Variants in CCR3 observed in about 807,000 individuals in gnomAD.
CCR3 encodes the protein C-C chemokine receptor type 3.
For synonymous variants in CCR3, 203 were observed against 179.2 expected (o/e 1.13, Z -1.06); for missense variants, 419 against 437.5 (o/e 0.96, Z 0.38).
At chr3:46,262,409 A>T (rs1414172943) in intron 1 of CCR3, among the ~76,000 whole-genome samples, 1 of 152,190 alleles carries the variant, frequency 6.6e-6, no homozygotes, top group African/African-American at 2.4e-5. Context: ...CTGCACAGAG[A>T]TATGTTAACA....
intron 2 of CCR3, among the ~76,000 whole-genome samples, chr3:46,219,147 A>T (rs1247834190): frequency 6.6e-6 from 1 of 152,208 alleles, no homozygotes; most frequent in Non-Finnish European, 1.5e-5. Flanking sequence ...ATACAAAATC[A>T]ATGTACAAAA....
At chr3:46,228,650 A>T (rs1699929809) in intron 2 of CCR3, among the ~76,000 whole-genome samples, 1 of 152,258 alleles carries the variant, frequency 6.6e-6, no homozygotes, top group Admixed American at 6.5e-5. Flanking sequence ...TGTTCTGCCC[A>T]ATGTTAACAG....
At chr3:46,261,329 C>T (rs868453586) in intron 1 of CCR3, among the ~76,000 whole-genome samples, 13 of 152,090 alleles carry the variant, frequency 8.5e-5, no homozygotes, top group Non-Finnish European at 1.3e-4. Flanking sequence ...AATAAATCTA[C>T]AATAAAAAGT....
chr3:46,260,747 A>T (rs1700510949), intron 1 of CCR3, among the ~76,000 whole-genome samples: 1 of 152,250 alleles, frequency 6.6e-6, no homozygotes, highest in South Asian at 2.1e-4. Context: ...CATGAGGCAG[A>T]GGAAATTATT....
upstream of CCR3, among the ~76,000 whole-genome samples, chr3:46,240,000 CAG>C: frequency 6.6e-6 from 1 of 152,336 alleles, no homozygotes; most frequent in Non-Finnish European, 1.5e-5. Flanking sequence ...CCAAAACCAG[CAG>C]TCAATCTTAT....
intron 2 of CCR3, among the ~76,000 whole-genome samples, chr3:46,216,019 G>C (rs180966104): frequency 2.8e-3 from 420 of 152,340 alleles, no homozygotes; most frequent in Non-Finnish European, 4.5e-3. Context: ...TGGAGGAAAA[G>C]TCATGCCTGC....
At chr3:46,247,154 T>A (rs1700213130) in intron 1 of CCR3, among the ~76,000 whole-genome samples, 1 of 152,106 alleles carries the variant, frequency 6.6e-6, no homozygotes, top group African/African-American at 2.4e-5. Context: ...GAGCGGCGGT[T>A]TGGGGATAGC....
chr3:46,257,717 G>A (rs999162354), intron 1 of CCR3, among the ~76,000 whole-genome samples: 13 of 152,148 alleles, frequency 8.5e-5, no homozygotes, highest in African/African-American at 1.2e-4. Flanking sequence ...TATGTATGTA[G>A]ATATATGAGA....
upstream of CCR3, among the ~76,000 whole-genome samples, chr3:46,241,166 G>GCTCTCTCTCT (rs58133632): frequency 0.12 from 17,575 of 149,116 alleles, 1,160 homozygotes; most frequent in Non-Finnish European, 0.14. Flanking sequence ...ATGTGTGTGC[G>GCTCTCTCTCT]CTCTCTCTCT....
At chr3:46,234,103 G>T (rs566464300) in intron 2 of CCR3, among the ~76,000 whole-genome samples, 2 of 152,342 alleles carry the variant, frequency 1.3e-5, no homozygotes, top group African/African-American at 4.8e-5. Flanking sequence ...TGCTCCTGAG[G>T]CATCCTGACC....
intron 2 of CCR3, among the ~76,000 whole-genome samples, chr3:46,226,359 A>C (rs1437441808): frequency 2.0e-5 from 3 of 152,146 alleles, no homozygotes; most frequent in African/African-American, 7.2e-5. Flanking sequence ...GATTTATTTT[A>C]TCAGCATTTT....
intron 1 of CCR3, among the ~76,000 whole-genome samples, chr3:46,252,261 C>T (rs752217452): frequency 4.7e-5 from 7 of 149,504 alleles, no homozygotes; most frequent in African/African-American, 7.4e-5. Flanking sequence ...CAGCAAACTC[C>T]GCATCCCAGG....
intron 2 of CCR3, among the ~76,000 whole-genome samples, chr3:46,233,053 G>A (rs1405590624): frequency 2.0e-5 from 3 of 152,150 alleles, no homozygotes; most frequent in Non-Finnish European, 2.9e-5. Context: ...GGCTGGTCTC[G>A]AACTCCTGAC....
intron 1 of CCR3, among the ~76,000 whole-genome samples, chr3:46,243,002 T>TACACATATATATATATATATATATACAC (rs71095087): frequency 1.5e-4 from 18 of 123,740 alleles, no homozygotes; most frequent in East Asian, 2.6e-4. Context: ...TATATATATA[T>TACACATATATATATATATATATATACAC]ACGCACACAC....
chr3:46,228,050 C>A (rs1699922613), intron 2 of CCR3, among the ~76,000 whole-genome samples: 2 of 152,022 alleles, frequency 1.3e-5, no homozygotes, highest in African/African-American at 4.8e-5. Context: ...CAAACCTTGA[C>A]AATAGGAAGA....
intron 1 of CCR3, among the ~76,000 whole-genome samples, chr3:46,250,034 G>A (rs1038145393): frequency 4.6e-5 from 7 of 152,104 alleles, no homozygotes; most frequent in Non-Finnish European, 7.3e-5. Context: ...ACCTTTTAGG[G>A]TCTAGGGCTG....
At chr3:46,264,524 G>T in intron 1 of CCR3, 1 of 952,144 alleles carries the variant, frequency 1.1e-6, no homozygotes, top group South Asian at 1.5e-5. Context: ...CAGGAGAAAT[G>T]GACATGGATA....
intron 2 of CCR3, among the ~76,000 whole-genome samples, chr3:46,213,971 A>C (rs374357056): frequency 6.6e-6 from 1 of 152,252 alleles, no homozygotes; most frequent in East Asian, 1.9e-4. Context: ...CACTTGGCAA[A>C]ATTTTGGTCC....
intron 1 of CCR3, among the ~76,000 whole-genome samples, chr3:46,258,536 T>G (rs1187605012): frequency 6.6e-6 from 1 of 152,216 alleles, no homozygotes; most frequent in East Asian, 1.9e-4. Flanking sequence ...ATTTTTATTT[T>G]TCTTTAACAA....
Sources: allele counts gnomAD v4.1 joint callset (sites outside exome capture counted in the v4.1 genomes callset), GRCh38; gene constraint gnomAD v4.1.1; transcripts MANE v1.5; gene names NCBI Gene and HGNC (gene_info 2026-07-23, HGNC 2026-07-21).